The following ZNF462 variants were observed in gnomAD, a reference collection of about 807,000 sequenced individuals.
ZNF462 encodes the protein zinc finger protein 462, also known as zinc finger PBX1-interacting protein.
ZNF462 carries 10 observed loss-of-function variants against 201.9 expected under a neutral mutation model. That is an observed-to-expected ratio of 0.05 (90% CI 0.03 to 0.08). The LOEUF (loss-of-function observed/expected upper bound fraction) is 0.08. Among genes scored for constraint, ZNF462 ranks in the 10% least tolerant of loss-of-function variants. The pLI is 1.00. For synonymous variants in ZNF462, 1,227 were observed against 1,193.3 expected, an observed-to-expected ratio of 1.03 and a Z score of -0.58; for missense variants, 2,523 against 3,168.3, an observed-to-expected ratio of 0.80 and a Z score of 4.89.
intron 1 of ZNF462, among the ~76,000 whole-genome samples, chr9:106,881,208 A>C (rs1168261283): frequency 6.6e-6 from 1 of 152,152 alleles, no homozygotes; most frequent in Non-Finnish European, 1.5e-5. Context: ...CATCTTTTCA[A>C]ACACTAGGCT....
chr9:107,010,875 ATCAT>A lies in ZNF462; in HGVS notation c.7367_7370del (p.Ile2456ArgfsTer10). The A allele has an allele frequency of 6.2e-7, 1 of 1,613,518 alleles. No homozygotes were observed. The highest frequency in any genetic ancestry group is 8.5e-7 in the Non-Finnish European group (1 of 1,179,746). Reference sequence around the variant, plus strand: ...CAGAGAAGAAATCCACCCAAAAGAGATCATGGAGAACAGTGTTAAAATGCCCTCC... The same window carrying A: ...CAGAGAAGAAATCCACCCAAAAGAGAGGAGAACAGTGTTAAAATGCCCTCC... On this transcript the variant is annotated frameshift_variant, in exon 13 of 13. Coordinates refer to ENST00000277225, the MANE Select transcript of ZNF462 (RefSeq NM_021224.6). LOFTEE classifies it high-confidence loss of function. This position sits in a 1 kb window ranked among gnomAD's most constrained non-coding sequence, Gnocchi z 4.6.
At chr9:106,894,751 G>T (rs1828739601) in intron 1 of ZNF462, among the ~76,000 whole-genome samples, 1 of 152,114 alleles carries the variant, frequency 6.6e-6, no homozygotes, top group Admixed American at 6.5e-5. Flanking sequence ...AAATGGATAT[G>T]GTGCTGTAAG....
At chr9:106,864,109 T>A (rs867719627) in intron 1 of ZNF462, among the ~76,000 whole-genome samples, 6 of 115,376 alleles carry the variant, frequency 5.2e-5, no homozygotes, top group East Asian at 2.6e-4. Context: ...TCTCTCTCTC[T>A]CCCTCTCCCC....
chr9:106,907,533 A>G (rs1829322015), intron 1 of ZNF462, among the ~76,000 whole-genome samples: 1 of 152,058 alleles, frequency 6.6e-6, no homozygotes, highest in Non-Finnish European at 1.5e-5. Context: ...TAAAATTATA[A>G]TACATTTTCC....
rs772962083 is a variant in ZNF462 at position 106,928,589 on chromosome 9, C to G, written c.4677C>G (p.Ser1559=). The part of the protein sequence containing the change: ...VHDVEQSADI[S]QNDVEETSRI... ...ACGTAGAGCAGTCTGCTGACATATCCCAGAATGACGTGGAGGAGACGAGCA... is the reference window on the plus strand; with the variant it reads ...ACGTAGAGCAGTCTGCTGACATATCGCAGAATGACGTGGAGGAGACGAGCA... Residue 1559 remains serine (S), a synonymous_variant, in exon 3 of 13, where the codon TCC becomes TCG. Coordinates refer to ENST00000277225, the MANE Select transcript of ZNF462 (RefSeq NM_021224.6). This position sits in a 1 kb window ranked among gnomAD's most constrained non-coding sequence, Gnocchi z 9.3. The G allele has an allele frequency of 1.2e-6, 2 of 1,613,932 alleles. No homozygotes were observed. The highest frequency in any genetic ancestry group is 1.7e-5 in the Admixed American group (1 of 59,994).
chr9:106,893,646 GGGTAATGCTAACA>G (rs1828686810), intron 1 of ZNF462, among the ~76,000 whole-genome samples: 1 of 152,168 alleles, frequency 6.6e-6, no homozygotes, highest in Admixed American at 6.5e-5. Flanking sequence ...AGAGGGAAAG[GGGTAATGCTAACA>G]GTACTCAGGA....
rs1020177173 is a variant in ZNF462, at chr9:107,012,352, G to GGAT, written c.*1324_*1326dup. 1.1e-4 allele frequency: 15 copies of GGAT among 141,970 alleles called. No homozygotes were observed. The highest frequency in any genetic ancestry group is 4.3e-4 in the African/African-American group (14 of 32,886). The allele number at this position is 141,970 out of a possible 1,614,324, so 8.8% of individuals were successfully genotyped here. ...GTTTTCATTTATTTAGGGGACGAGG[G>GGAT]GATGTACTAGAATCCCATCCCTTTC... is the stretch of plus-strand genomic sequence containing the variant. On this transcript the variant is annotated 3_prime_UTR_variant, in exon 13 of 13. Coordinates refer to ENST00000277225, the MANE Select transcript of ZNF462 (RefSeq NM_021224.6).
chr9:106,915,241 T>C (rs1020139247), intron 1 of ZNF462, among the ~76,000 whole-genome samples: 1 of 148,330 alleles, frequency 6.7e-6, no homozygotes, highest in African/African-American at 2.5e-5. Context: ...AGCTCAACAG[T>C]GGATATGCTG....
chr9:106,923,639 T>G lies in ZNF462; in HGVS notation c.220+36T>G. 6.3e-7 allele frequency: 1 copy of G among 1,597,092 alleles called. No individual in the cohort carries two copies. On this transcript the variant is annotated intron_variant, in intron 2 of 12. Transcript: ENST00000277225. This position sits in a 1 kb window ranked among gnomAD's most constrained non-coding sequence, Gnocchi z 5.6. ...ACTAAACTTGGCACGGCCGATGTAT[T>G]TTAATTGCTCTTGTTTCCTTTTAGC...
chr9:106,867,657 T>G (rs1391239027), intron 1 of ZNF462, among the ~76,000 whole-genome samples: 1 of 152,110 alleles, frequency 6.6e-6, no homozygotes, highest in Non-Finnish European at 1.5e-5. Context: ...ACTCTACTAA[T>G]GGACTTTAGA....
At chr9:106,912,879 C>T (rs1384228983) in intron 1 of ZNF462, among the ~76,000 whole-genome samples, 1 of 152,138 alleles carries the variant, frequency 6.6e-6, no homozygotes, top group Non-Finnish European at 1.5e-5. Flanking sequence ...TCTGTTTCTA[C>T]CTGATTTTGT....
chr9:106,894,869 A>C (rs1440228061), intron 1 of ZNF462, among the ~76,000 whole-genome samples: 1 of 152,252 alleles, frequency 6.6e-6, no homozygotes, highest in East Asian at 1.9e-4. Context: ...TAAATATAAA[A>C]ATATTAAGAT....
rs147871913 is a variant in ZNF462 at position 106,880,248 on chromosome 9, C to T, written c.-31+16893C>T. 8.5e-5 allele frequency among the ~76,000 whole-genome samples: 13 copies of T among 152,252 alleles called. No homozygotes were observed. In the East Asian group the frequency reaches 1.2e-3, roughly 14 times the overall value. ...CAAAGCCTGACTCTTCAGATATTCCCGAATGCTGAAATCTTCTCTGCATCA... is the reference window on the plus strand; with the variant it reads ...CAAAGCCTGACTCTTCAGATATTCCTGAATGCTGAAATCTTCTCTGCATCA... On this transcript the variant is annotated intron_variant, in intron 1 of 12. Transcript: ENST00000277225. This position sits in a 1 kb window ranked among gnomAD's most constrained non-coding sequence, Gnocchi z 4.1.
chr9:106,874,622 A>T (rs1827747008), intron 1 of ZNF462, among the ~76,000 whole-genome samples: 1 of 152,224 alleles, frequency 6.6e-6, no homozygotes, highest in Admixed American at 6.5e-5. Flanking sequence ...ATGATAATTT[A>T]AAAAGTACAC....
rs141286157 is a variant in ZNF462 at position 106,992,558 on chromosome 9, A to C, written c.7056+8149A>C. 1.8e-3 allele frequency among the ~76,000 whole-genome samples: 279 copies of C among 152,232 alleles called. 3 individuals carry two copies. Among genetic ancestry groups the C allele is most frequent in the African/African-American group, 6.3e-3 (260 of 41,552 alleles). On this transcript the variant is annotated intron_variant, in intron 10 of 12. Coordinates refer to ENST00000277225, the MANE Select transcript of ZNF462 (RefSeq NM_021224.6). The stretch of plus-strand genomic sequence containing the variant: ...TACTATTCAGCGATGAAAAAGAATG[A>C]GCTATTGATACATTTAACAGCATTG...
chr9:106,924,575 A>T lies in ZNF462; in HGVS notation c.663A>T (p.Ala221=), dbSNP rs748920191. Residue 221 remains alanine (A), a synonymous_variant, in exon 3 of 13, where the codon GCA becomes GCT. Coordinates refer to ENST00000277225, the MANE Select transcript of ZNF462 (RefSeq NM_021224.6). The surrounding 1 kb of genome is among the most constrained non-coding windows in gnomAD (Gnocchi z 6.2). ...SLQDPCKELP[A]EVVERSILES... ...AGGACCCCTGCAAGGAACTGCCAGC[A>T]GAGGTTGTGGAGCGCAGCATCTTAG... The T allele has an allele frequency of 6.2e-7, 1 of 1,614,100 alleles. No homozygotes were observed. The highest frequency in any genetic ancestry group is 1.1e-5 in the South Asian group (1 of 91,078).
At chr9:106,951,782 G>A (rs546153684) in intron 7 of ZNF462, among the ~76,000 whole-genome samples, 5 of 151,534 alleles carry the variant, frequency 3.3e-5, no homozygotes, top group East Asian at 1.9e-4. Context: ...GCCCCAATCC[G>A]GCACTCTCAC....
At chr9:106,973,561 C>T (rs531333189) in intron 8 of ZNF462, among the ~76,000 whole-genome samples, 1 of 152,088 alleles carries the variant, frequency 6.6e-6, no homozygotes, top group Non-Finnish European at 1.5e-5. Flanking sequence ...TTGGCTTTAT[C>T]GATTTTAATG....
chr9:106,936,064 A>AG (rs1830617968), intron 6 of ZNF462, among the ~76,000 whole-genome samples: 1 of 152,272 alleles, frequency 6.6e-6, no homozygotes, highest in African/African-American at 2.4e-5. Flanking sequence ...AGATACCCTT[A>AG]GATATGTTTC....
Sources: gnomAD v4.1 joint callset for allele counts (sites outside exome capture counted in the v4.1 genomes callset) on GRCh38, gnomAD v4.1.1 for gene constraint, Gnocchi (gnomAD v3.1) non-coding constraint, MANE v1.5 for transcripts, NCBI Gene and HGNC (gene_info 2026-07-23, HGNC 2026-07-21) for gene names.